TNIP3: variants seen among roughly 807,000 people sequenced by gnomAD.
TNIP3 encodes TNFAIP3 interacting protein 3.
TNIP3 carries 34 observed loss-of-function variants against 54.1 expected under a neutral mutation model. That is an observed-to-expected ratio of 0.63 (90% CI 0.48 to 0.84). The LOEUF is 0.84. Among genes scored for constraint, TNIP3 ranks in the 40% least tolerant of loss-of-function variants. The pLI is 0.00. For synonymous variants in TNIP3, 134 were observed against 136.8 expected, an observed-to-expected ratio of 0.98 and a Z score of 0.14; for missense variants, 366 against 387.6, an observed-to-expected ratio of 0.94 and a Z score of 0.47.
intron 2 of TNIP3, among the ~76,000 whole-genome samples, chr4:121,201,028 G>C (rs1725855316): frequency 6.6e-6 from 1 of 152,188 alleles, no homozygotes; most frequent in Admixed American, 6.6e-5. Context: ...CTGGGGAAGA[G>C]AGTAGGAGTT....
intron 2 of TNIP3, among the ~76,000 whole-genome samples, chr4:121,190,658 T>A (rs1166326086): frequency 1.3e-5 from 2 of 152,080 alleles, no homozygotes; most frequent in Non-Finnish European, 2.9e-5. Flanking sequence ...GATCTGGAGG[T>A]ATACTGGAGT....
chr4:121,208,669 C>T (rs1344099291), intron 2 of TNIP3, among the ~76,000 whole-genome samples: 1 of 152,150 alleles, frequency 6.6e-6, no homozygotes, highest in Non-Finnish European at 1.5e-5. Flanking sequence ...GTCTAGGTAA[C>T]AGGCAAGGAG....
chr4:121,163,867 G>T (rs1192281486), intron 1 of TNIP3, among the ~76,000 whole-genome samples, 193 bp downstream of exon 1: 1 of 152,072 alleles, frequency 6.6e-6, no homozygotes, highest in African/African-American at 2.4e-5. Context: ...AGCCCCGTGG[G>T]TTAAAAGCAA....
intron 1 of TNIP3, among the ~76,000 whole-genome samples, chr4:121,163,727 C>T (rs1466275384): frequency 4.6e-5 from 7 of 152,104 alleles, no homozygotes; most frequent in African/African-American, 1.2e-4. Context: ...AATATTACTA[C>T]AGATACTCTA....
chr4:121,150,519 G>A lies in TNIP3; in HGVS notation c.493-300C>T, dbSNP rs1215614424. 3.3e-5 allele frequency among the ~76,000 whole-genome samples: 5 copies of A among 152,066 alleles called. No homozygotes were observed. In the East Asian group the frequency reaches 7.7e-4, roughly 23 times the overall value. On this transcript the variant is annotated intron_variant, in intron 5 of 10. Transcript: ENST00000057513. The stretch of plus-strand genomic sequence containing the variant: ...TATGAAAACAAAATCTGTATCTATA[G>A]ACTTTCTCCAGATTCTCTGCTTCAG...
At chr4:121,149,867 G>T (rs1325830436) in intron 6 of TNIP3, among the ~76,000 whole-genome samples, 1 of 152,186 alleles carries the variant, frequency 6.6e-6, no homozygotes, top group African/African-American at 2.4e-5. Flanking sequence ...TTAATTGTGT[G>T]ATCTTGGGTA....
At chr4:121,142,121 A>C (rs1393093942) in intron 8 of TNIP3, among the ~76,000 whole-genome samples, 4 of 152,226 alleles carry the variant, frequency 2.6e-5, no homozygotes, top group Non-Finnish European at 5.9e-5. Context: ...TGAAACTATA[A>C]TCATTTCCCC....
intron 2 of TNIP3, among the ~76,000 whole-genome samples, chr4:121,214,905 G>A (rs745314712): frequency 5.9e-5 from 9 of 152,186 alleles, no homozygotes; most frequent in Middle Eastern, 6.8e-3. Flanking sequence ...GAGTCTTTCC[G>A]TTGAGGTAGG....
At chr4:121,200,663 T>C (rs1725834617) in intron 2 of TNIP3, among the ~76,000 whole-genome samples, 1 of 152,242 alleles carries the variant, frequency 6.6e-6, no homozygotes, top group Non-Finnish European at 1.5e-5. Flanking sequence ...CCAAAGCTAT[T>C]GGTTTAATGA....
In TNIP3 at chr4:121,187,796, G is replaced by A. The variant is rs115946777; in HGVS notation, c.69-5000C>T. On this transcript the variant is annotated intron_variant, in intron 2 of 12. Coordinates refer to the TNIP3 transcript ENST00000507879. ...AAATACAGAATAATATGTGTGCTAT[G>A]TGTTTATCGTCTCTTCCTGAAGATA... is the stretch of plus-strand genomic sequence containing the variant. Among the ~76,000 whole-genome samples, 1,229 of 152,282 alleles carry A rather than the reference G, an allele frequency of 8.1e-3. 14 individuals are homozygous for A. Among genetic ancestry groups the A allele is most frequent in the African/African-American group, 0.029 (1,188 of 41,546 alleles).
intron 8 of TNIP3, among the ~76,000 whole-genome samples, chr4:121,142,210 C>T (rs1272398116): frequency 6.6e-6 from 1 of 151,806 alleles, no homozygotes; most frequent in South Asian, 2.1e-4. Flanking sequence ...TGAGGGCCCT[C>T]AATGAAGAAA....
chr4:121,176,918 TA>T (rs2148824562), intron 3 of TNIP3, among the ~76,000 whole-genome samples: 1 of 152,294 alleles, frequency 6.6e-6, no homozygotes, highest in Non-Finnish European at 1.5e-5. Flanking sequence ...CCTTAACTTG[TA>T]TCAAAAGTCA....
chr4:121,199,751 G>T (rs949803254), intron 2 of TNIP3, among the ~76,000 whole-genome samples: 9 of 152,120 alleles, frequency 5.9e-5, no homozygotes, highest in Admixed American at 3.9e-4. Context: ...CATTCTTTTG[G>T]TACCCTCAGA....
At chr4:121,222,960 C>T (rs376315244) in intron 1 of TNIP3, among the ~76,000 whole-genome samples, 4 of 152,006 alleles carry the variant, frequency 2.6e-5, no homozygotes, top group African/African-American at 7.2e-5. Context: ...CGCCCACCAC[C>T]ACGCCCGCCT....
intron 2 of TNIP3, among the ~76,000 whole-genome samples, chr4:121,208,085 G>A (rs531281393): frequency 1.3e-5 from 2 of 152,244 alleles, no homozygotes; most frequent in East Asian, 1.9e-4. Context: ...AGAACTGTAA[G>A]TCCAATTAAA....
chr4:121,179,870 T>G (rs563632694), intron 3 of TNIP3, among the ~76,000 whole-genome samples: 1 of 152,204 alleles, frequency 6.6e-6, no homozygotes, highest in Admixed American at 6.5e-5. Context: ...TTGAATTCAC[T>G]TCAGGAAAGA....
chr4:121,218,840 G>A (rs963375342), upstream of TNIP3, among the ~76,000 whole-genome samples: 1 of 151,962 alleles, frequency 6.6e-6, no homozygotes, highest in African/African-American at 2.4e-5. Context: ...GGGACTACAG[G>A]TGTGCACTAC....
At chr4:121,226,253 G>A (rs927602190) in intron 1 of TNIP3, among the ~76,000 whole-genome samples, 2 of 151,578 alleles carry the variant, frequency 1.3e-5, no homozygotes, top group Non-Finnish European at 2.9e-5. Context: ...GAGAGAGAGA[G>A]AGCGACAGAG....
chr4:121,213,646 G>A (rs1227523265), intron 2 of TNIP3, among the ~76,000 whole-genome samples: 6 of 150,722 alleles, frequency 4.0e-5, no homozygotes, highest in Non-Finnish European at 8.8e-5. Flanking sequence ...AGAATGGCAT[G>A]AACCCTGGAG....
Sources: allele counts gnomAD v4.1 joint callset (sites outside exome capture counted in the v4.1 genomes callset), GRCh38; gene constraint gnomAD v4.1.1; transcripts MANE v1.5; gene names NCBI Gene and HGNC (gene_info 2026-07-23, HGNC 2026-07-21).